POLA1: variants seen among roughly 807,000 people sequenced by gnomAD.
POLA1 encodes DNA polymerase alpha 1, catalytic subunit.
In POLA1, 15 loss-of-function variants were observed where a neutral mutation model predicts 124.0. The observed-to-expected ratio is 0.12, with a 90% CI of 0.08 to 0.19. POLA1 has a LOEUF of 0.19. Among genes scored for constraint, POLA1 ranks in the 10% least tolerant of loss-of-function variants. POLA1 has a pLI of 1.00. For missense variants in POLA1, 886 were observed against 1,103.4 expected, an observed-to-expected ratio of 0.80 and a Z score of 2.79; for synonymous variants, 408 against 389.4, an observed-to-expected ratio of 1.05 and a Z score of -0.56.
chrX:24,802,724 G>A (rs1035253158), intron 26 of POLA1, among the ~76,000 whole-genome samples: 16 of 112,199 alleles, frequency 1.4e-4, no homozygotes, highest in African/African-American at 4.9e-4. Context: ...GGGGCCAGGC[G>A]TGGTGGCTCA....
intron 24 of POLA1, among the ~76,000 whole-genome samples, chrX:24,747,584 A>G (rs1932080606): frequency 9.0e-6 from 1 of 111,449 alleles, no homozygotes; most frequent in Non-Finnish European, 1.9e-5. Flanking sequence ...TGGTAGTAAA[A>G]TGATTTAAAA....
rs34721601 is a variant in POLA1 at position 24,803,930 on chromosome X, T to TAAAAAAAAAA, written c.2965-5946_2965-5937dup. On this transcript the variant is annotated intron_variant, in intron 26 of 36. Coordinates refer to ENST00000379068, the MANE Select transcript of POLA1 (RefSeq NM_001330360.2). ...GTGCTCTGATTTCAGACCCTAGACT[T>TAAAAAAAAAA]AAAAAAAAAAAAAAAAAAAAAAAAA... 1.9e-3 allele frequency among the ~76,000 whole-genome samples: 26 copies of TAAAAAAAAAA among 13,841 alleles called. 2 individuals are homozygous for TAAAAAAAAAA. Among genetic ancestry groups the TAAAAAAAAAA allele is most frequent in the African/African-American group, 2.7e-3 (9 of 3,386 alleles). The allele number at this position is 13,841 out of a possible 115,157, so 12.0% of individuals were successfully genotyped here.
chrX:24,953,883 C>T (rs2048075250), intron 36 of POLA1, among the ~76,000 whole-genome samples: 1 of 112,197 alleles, frequency 8.9e-6, no homozygotes, highest in Non-Finnish European at 1.9e-5. Context: ...TCAAAGGTGA[C>T]TGGGATAATG....
intron 26 of POLA1, among the ~76,000 whole-genome samples, chrX:24,772,380 G>A (rs1362294910): frequency 1.8e-5 from 2 of 110,380 alleles, no homozygotes; most frequent in Admixed American, 1.9e-4. Context: ...ATCTTTTATT[G>A]TTACTTTTTT....
chrX:24,884,822 G>A (rs1209080617), intron 34 of POLA1, among the ~76,000 whole-genome samples: 4 of 111,939 alleles, frequency 3.6e-5, no homozygotes, highest in Non-Finnish European at 7.5e-5. Context: ...ACCCAAATAA[G>A]CACTGAATAG....
intron 31 of POLA1, among the ~76,000 whole-genome samples, chrX:24,822,043 GT>G (rs1209234987): frequency 2.9e-3 from 304 of 104,109 alleles, no homozygotes; most frequent in African/African-American, 9.1e-3. Flanking sequence ...AATTCAACCA[GT>G]TTTTTTTTTT....
At chrX:24,728,054 C>T (rs1930652493) in intron 15 of POLA1, 118 bp downstream of exon 15, 1 of 496,588 alleles carries the variant, frequency 2.0e-6, no homozygotes, top group East Asian at 3.8e-5. Flanking sequence ...TACTAATTCA[C>T]TACTAAACTC....
At chrX:24,851,169 C>T (rs1008643123) in intron 34 of POLA1, among the ~76,000 whole-genome samples, 3 of 112,194 alleles carry the variant, frequency 2.7e-5, no homozygotes, top group African/African-American at 9.7e-5. Flanking sequence ...GGCAATAGCA[C>T]AGAATACTGC....
intron 32 of POLA1, among the ~76,000 whole-genome samples, chrX:24,837,061 T>G (rs2046350413): frequency 8.9e-6 from 1 of 111,920 alleles, no homozygotes; most frequent in Admixed American, 9.5e-5. Context: ...TTTTGGAGGA[T>G]TTCAGATTTT....
At chrX:24,950,474 G>T (rs1220313869) in intron 36 of POLA1, among the ~76,000 whole-genome samples, 2 of 112,228 alleles carry the variant, frequency 1.8e-5, no homozygotes, top group Non-Finnish European at 3.8e-5. Flanking sequence ...TCATTGCATG[G>T]TATCTTTATT....
chrX:24,873,594 AAAG>A (rs1315793980), intron 34 of POLA1, among the ~76,000 whole-genome samples: 31 of 111,761 alleles, frequency 2.8e-4, no homozygotes, highest in Non-Finnish European at 3.8e-5. Context: ...TTCAGTGAAA[AAAG>A]CAGGATTTAG....
chrX:24,888,261 A>T, intron 35 of POLA1, 139 bp downstream of exon 35: 1 of 398,282 alleles, frequency 2.5e-6, no homozygotes, highest in Non-Finnish European at 4.4e-6. Context: ...TAAAAAATAC[A>T]GATTTCAGAA....
At chrX:24,694,850 T>G (rs1927865897) in intron 1 of POLA1, among the ~76,000 whole-genome samples, 1 of 112,476 alleles carries the variant, frequency 8.9e-6, no homozygotes, top group Non-Finnish European at 1.9e-5. Flanking sequence ...ACTCGCTTCC[T>G]AATCAGCTTC....
Position 24,704,489 on chromosome X carries a change from C to G in POLA1, c.346+20C>G. On this transcript the variant is annotated intron_variant, in intron 4 of 36. Coordinates refer to ENST00000379068, the MANE Select transcript of POLA1 (RefSeq NM_001330360.2). Reference sequence around the variant, plus strand: ...AGAAAGGTACCTACCTTTTGTTTTCCAGGGTGTTGTTTTGAGATTTAAAGA... The same window carrying G: ...AGAAAGGTACCTACCTTTTGTTTTCGAGGGTGTTGTTTTGAGATTTAAAGA... 1 of 1,048,997 alleles carries G rather than the reference C, an allele frequency of 9.5e-7. No individual in the cohort carries two copies. The allele number at this position is 1,048,997 out of a possible 1,213,427, so 86.4% of individuals were successfully genotyped here.
At chrX:24,708,073 A>G (rs1928931511) in intron 4 of POLA1, among the ~76,000 whole-genome samples, 1 of 111,986 alleles carries the variant, frequency 8.9e-6, no homozygotes, top group African/African-American at 3.2e-5. Flanking sequence ...CAGAAACACT[A>G]AACTGTGGAA....
In POLA1 at chrX:24,701,539, G is replaced by A. The variant is rs190191614; in HGVS notation, c.169-1712G>A. ...CAACCTCAGCTTCCCAGGTTCAAGC[G>A]ATTGTCCTGCTTCAGCCTCCCAAGT... On this transcript the variant is annotated intron_variant, in intron 2 of 36. Coordinates refer to ENST00000379068, the MANE Select transcript of POLA1 (RefSeq NM_001330360.2). Among the ~76,000 whole-genome samples, 124 of 108,091 alleles carry A rather than the reference G, an allele frequency of 1.1e-3. 1 individual carries two copies. Among genetic ancestry groups the A allele is most frequent in the African/African-American group, 4.0e-3 (119 of 29,526 alleles). 93.9% of individuals were successfully genotyped at this position (108,091 alleles called of 115,157 possible).
intron 34 of POLA1, among the ~76,000 whole-genome samples, chrX:24,872,543 A>G (rs959307773): frequency 9.0e-6 from 1 of 111,679 alleles, no homozygotes; most frequent in South Asian, 3.7e-4. Flanking sequence ...TTTTTAAAAG[A>G]AAATCGCAGG....
chrX:24,743,956 G>A (rs1400456695), intron 23 of POLA1, among the ~76,000 whole-genome samples: 1 of 106,390 alleles, frequency 9.4e-6, no homozygotes, highest in Non-Finnish European at 1.9e-5. Context: ...GCAGTGGTGC[G>A]ATCTCTACTC....
At chrX:24,789,041 G>T (rs2045436293) in intron 26 of POLA1, 1 of 1,207,627 alleles carries the variant, frequency 8.3e-7, no homozygotes, top group African/African-American at 1.8e-5. Flanking sequence ...CTGGAGGCCG[G>T]CGGGGCTTTT....
Sources: allele counts gnomAD v4.1 joint callset (sites outside exome capture counted in the v4.1 genomes callset), GRCh38; gene constraint gnomAD v4.1.1; transcripts MANE v1.5; gene names NCBI Gene and HGNC (gene_info 2026-07-23, HGNC 2026-07-21).